SLC15A1: variants seen among roughly 807,000 people sequenced by gnomAD.
The protein encoded by SLC15A1 is solute carrier family 15 member 1.
In SLC15A1, 83 loss-of-function variants were observed where a neutral mutation model predicts 92.9. The observed-to-expected ratio is 0.89, with a 90% confidence interval of 0.75 to 1.07. The LOEUF is 1.07. Among genes scored for constraint, SLC15A1 ranks in the 50% least tolerant of loss-of-function variants. The pLI is 0.00. For missense variants in SLC15A1, 857 were observed against 880.1 expected, an observed-to-expected ratio of 0.97 and a Z score of 0.33; for synonymous variants, 322 against 318.2, an observed-to-expected ratio of 1.01 and a Z score of -0.13.
chr13:98,695,432 G>A (rs2088014369), intron 18 of SLC15A1, among the ~76,000 whole-genome samples: 1 of 151,944 alleles, frequency 6.6e-6, no homozygotes, highest in South Asian at 2.1e-4. Context: ...CCACTCTGTC[G>A]CCCAGGCTGG....
rs764969961 is a variant in SLC15A1, at chr13:98,687,707, T to C, written c.1701A>G (p.Glu567=). The C allele has an allele frequency of 2.0e-5, 32 of 1,613,712 alleles. No individual in the cohort carries two copies. Among genetic ancestry groups the C allele is most frequent in the Non-Finnish European group, 1.7e-6 (2 of 1,179,968 alleles). ...IVQRKNDSCP[E]VKVFEDISAN... ...CTGAAATATCTTCAAACACCTTCAC[T>C]TCAGGGCAGCTGTCATTCTGCAGCA... is the stretch of plus-strand genomic sequence containing the variant. The change falls in exon 21 of 23, where the codon GAA becomes GAG. Residue 567 remains glutamate (E), a synonymous_variant. Transcript: ENST00000376503.
chr13:98,703,721 T>TA (rs2088089242), intron 17 of SLC15A1, among the ~76,000 whole-genome samples: 1 of 151,990 alleles, frequency 6.6e-6, no homozygotes, highest in Non-Finnish European at 1.5e-5. Context: ...CACACTCAGC[T>TA]AATTTTTAAA....
chr13:98,734,116 C>T (rs1336729976), intron 1 of SLC15A1, among the ~76,000 whole-genome samples: 1 of 152,118 alleles, frequency 6.6e-6, no homozygotes. Flanking sequence ...CAGGTGTGTG[C>T]CACCATGCCT....
chr13:98,709,883 G>A lies in SLC15A1; in HGVS notation c.929C>T (p.Thr310Ile), dbSNP rs1487247930. 9.9e-6 allele frequency: 16 copies of A among 1,614,100 alleles called. No homozygotes were observed. The highest frequency in any genetic ancestry group is 1.4e-5 in the Non-Finnish European group (16 of 1,180,056). Residue 310 changes from threonine to isoleucine, a missense_variant, in exon 12 of 23, where the codon ACT becomes ATT. Thr to Ile is a moderately conservative substitution (Grantham distance 89, BLOSUM62 -1). Transcript: ENST00000376503. ...QGSRWTLQATTMSGKIGALEI... is the reference protein window; with the variant it reads ...QGSRWTLQATIMSGKIGALEI... ...CAAACTTACGATTTTCCCGGACATA[G>A]TTGTTGCCTGCAGTGTCCACCTGGA...
rs371385858 is a variant in SLC15A1, at chr13:98,702,546, T to C, written c.1417-17A>G. Reference sequence around the variant, plus strand: ...ATCCTTTACCTGAGAGAGAAAACAGTAATGTAAAAATATTTTCAAAATAAT... The same window carrying C: ...ATCCTTTACCTGAGAGAGAAAACAGCAATGTAAAAATATTTTCAAAATAAT... On this transcript the variant is annotated splice_polypyrimidine_tract_variant and intron_variant, in intron 17 of 22. Transcript: ENST00000376503. 7 of 1,581,152 alleles carry C rather than the reference T, an allele frequency of 4.4e-6. No individual in the cohort carries two copies. The African/African-American group carries it at 8.1e-5, about 18-fold the overall frequency.
At chr13:98,693,422 C>T (rs946696524) in intron 18 of SLC15A1, among the ~76,000 whole-genome samples, 1 of 152,092 alleles carries the variant, frequency 6.6e-6, no homozygotes, top group African/African-American at 2.4e-5. Flanking sequence ...TTGATCAGAA[C>T]CTAGAAGGTA....
intron 18 of SLC15A1, among the ~76,000 whole-genome samples, chr13:98,695,081 T>C (rs9557034): frequency 0.12 from 17,167 of 138,006 alleles, 1,237 homozygotes; most frequent in East Asian, 0.41. Flanking sequence ...TAAAATAAAA[T>C]ATTTTCTAAC....
intron 8 of SLC15A1, among the ~76,000 whole-genome samples, chr13:98,717,798 G>A (rs1350865783): frequency 3.3e-5 from 5 of 152,156 alleles, no homozygotes; most frequent in Admixed American, 1.3e-4. Flanking sequence ...AGAGAGAGAC[G>A]TGATTGTCAG....
At chr13:98,710,444 T>C (rs2088152336) in intron 11 of SLC15A1, among the ~76,000 whole-genome samples, 1 of 152,196 alleles carries the variant, frequency 6.6e-6, no homozygotes, top group African/African-American at 2.4e-5. Flanking sequence ...CAGGTAAATA[T>C]GATTATGTCT....
chr13:98,741,067 T>A (rs1383532434), intron 1 of SLC15A1, among the ~76,000 whole-genome samples: 1 of 152,164 alleles, frequency 6.6e-6, no homozygotes, highest in African/African-American at 2.4e-5. Flanking sequence ...GGGACTCTGC[T>A]TGTCCACCCA....
intron 1 of SLC15A1, among the ~76,000 whole-genome samples, chr13:98,746,586 C>T (rs2088494840): frequency 6.6e-6 from 1 of 152,156 alleles, no homozygotes; most frequent in Admixed American, 6.5e-5. Context: ...TCTGCCATGT[C>T]CTAATAGAGC....
chr13:98,749,759 G>A (rs1249913340), intron 1 of SLC15A1, among the ~76,000 whole-genome samples: 2 of 152,298 alleles, frequency 1.3e-5, no homozygotes, highest in Middle Eastern at 3.4e-3. Flanking sequence ...CCCACTGCCT[G>A]TTTTTGTGTG....
In SLC15A1 at chr13:98,743,090, G is replaced by A. The variant is rs116622662; in HGVS notation, c.4+9505C>T. Among the ~76,000 whole-genome samples, 137 of 152,280 alleles carry A rather than the reference G, an allele frequency of 9.0e-4. 1 individual carries two copies. Among genetic ancestry groups the A allele is most frequent in the African/African-American group, 3.1e-3 (129 of 41,564 alleles). Reference sequence around the variant, plus strand: ...TGTCCAGTCCAGATTTCCTCTTTTTGTGAGGACACTGCTCATATTGAATTA... The same window carrying A: ...TGTCCAGTCCAGATTTCCTCTTTTTATGAGGACACTGCTCATATTGAATTA... On this transcript the variant is annotated intron_variant, in intron 1 of 22. Transcript: ENST00000376503.
intron 1 of SLC15A1, among the ~76,000 whole-genome samples, chr13:98,749,353 A>G (rs1434175822): frequency 6.6e-6 from 1 of 152,226 alleles, no homozygotes; most frequent in East Asian, 1.9e-4. Context: ...ATCCTACTTT[A>G]AGTGAGTGAG....
chr13:98,708,603 C>G (rs754376089), intron 15 of SLC15A1, 83 bp downstream of exon 15: 16 of 1,238,968 alleles, frequency 1.3e-5, no homozygotes, highest in Non-Finnish European at 1.6e-5. Flanking sequence ...CCCCTAATCC[C>G]CTTCATGCTG....
chr13:98,746,067 C>A (rs1344966573), intron 1 of SLC15A1, among the ~76,000 whole-genome samples: 1 of 152,098 alleles, frequency 6.6e-6, no homozygotes, highest in Non-Finnish European at 1.5e-5. Context: ...TGTGTTGTTC[C>A]CCTCTGTGTC....
At chr13:98,697,487 T>C (rs1184887311) in intron 18 of SLC15A1, among the ~76,000 whole-genome samples, 2 of 152,134 alleles carry the variant, frequency 1.3e-5, no homozygotes, top group Non-Finnish European at 2.9e-5. Flanking sequence ...ACCCTCTTGC[T>C]GGCAAGATGA....
At chr13:98,738,117 A>G (rs2088409461) in intron 1 of SLC15A1, among the ~76,000 whole-genome samples, 1 of 152,256 alleles carries the variant, frequency 6.6e-6, no homozygotes, top group Non-Finnish European at 1.5e-5. Flanking sequence ...AAAGGATTCA[A>G]GATGTGACCT....
Position 98,684,751 on chromosome 13 carries a change from T to C in SLC15A1, c.2100A>G (p.Ser700=). The change falls in exon 23 of 23, where the codon TCA becomes TCG. Residue 700 remains serine, a synonymous_variant. Coordinates refer to ENST00000376503, the MANE Select transcript of SLC15A1 (RefSeq NM_005073.4). ...ACATCTGTTTCTGTGAATTGGCCCCTGACATGAAATATGGGTTACTCTTTT... is the reference window on the plus strand; with the variant it reads ...ACATCTGTTTCTGTGAATTGGCCCCCGACATGAAATATGGGTTACTCTTTT... The part of the protein sequence containing the change: ...RLEKSNPYFM[S]GANSQKQM 1.2e-6 allele frequency: 2 copies of C among 1,614,048 alleles called. No individual in the cohort carries two copies. The highest frequency in any genetic ancestry group is 1.7e-6 in the Non-Finnish European group (2 of 1,180,006).
Sources: gnomAD v4.1 joint callset for allele counts (sites outside exome capture counted in the v4.1 genomes callset) on GRCh38, gnomAD v4.1.1 for gene constraint, MANE v1.5 for transcripts, NCBI Gene and HGNC (gene_info 2026-07-23, HGNC 2026-07-21) for gene names.